The following TENM1 variants were observed in gnomAD, a reference collection of about 807,000 sequenced individuals.
The protein encoded by TENM1 is teneurin-1.
A neutral mutation model predicts 174.8 loss-of-function variants in TENM1; 35 were observed. The observed-to-expected ratio is 0.20, with a 90% CI of 0.15 to 0.27. The LOEUF (loss-of-function observed/expected upper bound fraction) is 0.27. Among genes scored for constraint, TENM1 ranks in the 10% least tolerant of loss-of-function variants. The pLI is 1.00. For missense variants in TENM1, 1,633 were observed against 2,130.1 expected (o/e 0.77, Z 4.59); for synonymous variants, 781 against 798.7 (o/e 0.98, Z 0.37).
intron 3 of TENM1, among the ~76,000 whole-genome samples, chrX:124,755,585 G>A (rs1209016080): frequency 4.5e-5 from 5 of 111,504 alleles, no homozygotes; most frequent in South Asian, 3.8e-4. Flanking sequence ...TCCTAGCCTC[G>A]ATGGTCTTTA....
At chrX:124,603,897 T>C (rs753206418) in intron 11 of TENM1, among the ~76,000 whole-genome samples, 43 of 111,606 alleles carry the variant, frequency 3.9e-4, no homozygotes, top group Non-Finnish European at 6.0e-4. Flanking sequence ...AGTAGGGATG[T>C]TGTTTTAATA....
chrX:124,650,649 A>C (rs1246522371), intron 8 of TENM1, among the ~76,000 whole-genome samples: 1 of 111,827 alleles, frequency 8.9e-6, no homozygotes, highest in Non-Finnish European at 1.9e-5. Context: ...GGAGAAACTC[A>C]ACCTTTTATA....
At chrX:124,661,725 T>A (rs895220949) in intron 6 of TENM1, among the ~76,000 whole-genome samples, 4 of 111,718 alleles carry the variant, frequency 3.6e-5, no homozygotes, top group African/African-American at 6.5e-5. Context: ...TCATTGGGCA[T>A]TTAATAAAAA....
chrX:124,632,707 TA>T (rs1295516526), intron 11 of TENM1, among the ~76,000 whole-genome samples: 2 of 107,224 alleles, frequency 1.9e-5, no homozygotes, highest in East Asian at 2.9e-4. Context: ...AATGATGAAA[TA>T]AAAAAAAACA....
chrX:124,822,082 T>C (rs1016546373), intron 3 of TENM1, among the ~76,000 whole-genome samples: 4 of 112,570 alleles, frequency 3.6e-5, no homozygotes, highest in Non-Finnish European at 7.5e-5. Context: ...GAACACACTT[T>C]CCAGCCCCAG....
At chrX:124,464,514 G>A (rs936800374) in intron 22 of TENM1, among the ~76,000 whole-genome samples, 1 of 112,104 alleles carries the variant, frequency 8.9e-6, no homozygotes, top group African/African-American at 3.2e-5. Flanking sequence ...CGTATGTCTT[G>A]ACTAATGAAG....
chrX:124,522,231 T>C (rs2047867132), intron 17 of TENM1, among the ~76,000 whole-genome samples: 1 of 111,223 alleles, frequency 9.0e-6, no homozygotes, highest in Non-Finnish European at 1.9e-5. Flanking sequence ...TGTGTGAGCC[T>C]TATCTAAGTG....
chrX:124,462,429 T>TG (rs1487840715), intron 22 of TENM1, among the ~76,000 whole-genome samples: 18 of 28,810 alleles, frequency 6.2e-4, no homozygotes, highest in African/African-American at 2.0e-3. Context: ...TGTGTGTGTG[T>TG]GTGGGGGGGG....
the TENM1 span, among the ~76,000 whole-genome samples, chrX:125,070,177 A>AC: frequency 9.4e-6 from 1 of 106,143 alleles, no homozygotes; most frequent in Admixed American, 1.0e-4. Flanking sequence ...GGAGACAGAG[A>AC]CCCCGTGTCC....
At chrX:124,754,603 C>G (rs2054177433) in intron 3 of TENM1, among the ~76,000 whole-genome samples, 1 of 111,260 alleles carries the variant, frequency 9.0e-6, no homozygotes, top group Non-Finnish European at 1.9e-5. Context: ...TTGATCTTTT[C>G]TGCTTTCTCT....
intron 24 of TENM1, 104 bp from the exon 28 acceptor site, chrX:124,420,925 A>T: frequency 2.6e-6 from 2 of 777,684 alleles, no homozygotes; most frequent in Admixed American, 6.2e-5. Context: ...TAAAGGAAAC[A>T]ATCAGTGAAC....
the TENM1 span, among the ~76,000 whole-genome samples, chrX:125,088,667 C>T: frequency 1.8e-5 from 2 of 110,007 alleles, no homozygotes; most frequent in South Asian, 7.6e-4. Flanking sequence ...CCTGTTGGAG[C>T]AAAATGAGTA....
At chrX:124,966,387 T>C (rs544281568), upstream of TENM1, among the ~76,000 whole-genome samples, 135 of 111,456 alleles carry the variant, frequency 1.2e-3, 1 homozygote, top group South Asian at 0.012. Context: ...CATAAAAAAA[T>C]ACCAAAAACT....
chrX:124,554,074 A>G (rs1261293205), intron 14 of TENM1, among the ~76,000 whole-genome samples: 3 of 111,584 alleles, frequency 2.7e-5, no homozygotes, highest in Middle Eastern at 4.2e-3. Context: ...GCACCACTGC[A>G]CTCAAGTCTG....
At chrX:125,162,943 A>G in the TENM1 span, among the ~76,000 whole-genome samples, 1 of 111,131 alleles carries the variant, frequency 9.0e-6, no homozygotes, top group East Asian at 2.8e-4. Context: ...CCACACTCTC[A>G]GTCACCCAAG....
chrX:125,015,897 T>C, the TENM1 span, among the ~76,000 whole-genome samples: 1 of 111,522 alleles, frequency 9.0e-6, no homozygotes, highest in Non-Finnish European at 1.9e-5. Context: ...ACTGGTTACT[T>C]ACTCATCATT....
intron 3 of TENM1, among the ~76,000 whole-genome samples, chrX:124,847,959 A>T (rs1324793884): frequency 1.8e-5 from 2 of 111,367 alleles, no homozygotes; most frequent in African/African-American, 6.5e-5. Context: ...GCTTTTTAGT[A>T]ATCTGATAGA....
the TENM1 span, among the ~76,000 whole-genome samples, chrX:125,118,475 A>C: frequency 2.7e-5 from 3 of 112,173 alleles, no homozygotes; most frequent in South Asian, 1.1e-3. Flanking sequence ...ATAAAAAGGC[A>C]AGCCATACAC....
chrX:124,553,917 C>T (rs2148139315), intron 14 of TENM1, among the ~76,000 whole-genome samples: 1 of 111,341 alleles, frequency 9.0e-6, no homozygotes, highest in African/African-American at 3.3e-5. Context: ...CAAGCCTGGC[C>T]AACATGGTGA....
Sources: allele counts gnomAD v4.1 joint callset (sites outside exome capture counted in the v4.1 genomes callset), GRCh38; gene constraint gnomAD v4.1.1; transcripts MANE v1.5; gene names NCBI Gene and HGNC (gene_info 2026-07-23, HGNC 2026-07-21).